The following DENND6A variants were observed in gnomAD, a reference collection of about 807,000 sequenced individuals.
DENND6A encodes the protein protein DENND6A.
In DENND6A, 43 loss-of-function variants were observed where a neutral mutation model predicts 95.5. The ratio of observed to expected loss-of-function variants is 0.45; its 90% CI spans 0.35 to 0.58. The LOEUF (loss-of-function observed/expected upper bound fraction) is 0.58. Ranked by LOEUF, DENND6A falls within the 20% of genes least tolerant of loss-of-function variation. DENND6A has a pLI of 0.00. For missense variants in DENND6A, 574 were observed against 736.0 expected (o/e 0.78, Z 2.55); for synonymous variants, 257 against 260.4 (o/e 0.99, Z 0.13).
intron 1 of DENND6A, among the ~76,000 whole-genome samples, chr3:57,689,805 T>C (rs2077244233): frequency 6.6e-6 from 1 of 152,062 alleles, no homozygotes; most frequent in African/African-American, 2.4e-5. Context: ...GCTCAACACC[T>C]ATAATCCCAG....
At chr3:57,685,081 T>A (rs894125423) in intron 1 of DENND6A, among the ~76,000 whole-genome samples, 4 of 142,280 alleles carry the variant, frequency 2.8e-5, no homozygotes, top group Non-Finnish European at 4.6e-5. Context: ...GCCTGGCTAA[T>A]TTTTTTTTTT....
chr3:57,676,281 G>A (rs1034352587), intron 1 of DENND6A, among the ~76,000 whole-genome samples: 2 of 151,078 alleles, frequency 1.3e-5, no homozygotes, highest in African/African-American at 4.9e-5. Flanking sequence ...TCAGGAGGCT[G>A]AGGCACAAGA....
chr3:57,657,746 G>C lies in DENND6A; in HGVS notation c.763-11C>G, dbSNP rs767553385. ...TATATTTGTGTCCACCTGAGAGATAGAAAAGAAAAATAAAAGAAGGTATCA... is the reference window on the plus strand; with the variant it reads ...TATATTTGTGTCCACCTGAGAGATACAAAAGAAAAATAAAAGAAGGTATCA... On this transcript the variant is annotated splice_polypyrimidine_tract_variant and intron_variant, in intron 8 of 19. Coordinates refer to ENST00000311128, the MANE Select transcript of DENND6A (RefSeq NM_152678.3). The C allele has an allele frequency of 6.4e-7, 1 of 1,554,632 alleles. No homozygotes were observed. Among genetic ancestry groups the C allele is most frequent in the East Asian group, 2.3e-5 (1 of 43,784 alleles).
intron 3 of DENND6A, among the ~76,000 whole-genome samples, 164 bp downstream of exon 3, chr3:57,672,092 A>G (rs2071627497): frequency 6.6e-6 from 1 of 152,236 alleles, no homozygotes; most frequent in Non-Finnish European, 1.5e-5. Context: ...AGTTGAAGCT[A>G]CTAAAATCAA....
At chr3:57,679,439 AT>A in intron 1 of DENND6A, 1 of 955,472 alleles carries the variant, frequency 1.0e-6, no homozygotes, top group Non-Finnish European at 1.2e-6. Flanking sequence ...CTTCACTTCA[AT>A]TTTTTCTTTA....
At chr3:57,681,884 G>A (rs1208971031) in intron 1 of DENND6A, among the ~76,000 whole-genome samples, 1 of 152,110 alleles carries the variant, frequency 6.6e-6, no homozygotes, top group African/African-American at 2.4e-5. Context: ...TTTTTGGGGT[G>A]AAGAAAATGT....
At chr3:57,655,897 T>C (rs976871913) in intron 9 of DENND6A, among the ~76,000 whole-genome samples, 2 of 152,332 alleles carry the variant, frequency 1.3e-5, no homozygotes, top group African/African-American at 2.4e-5. Context: ...TGTCCAATAA[T>C]TGAACTCTAT....
At position 57,674,939 on chromosome 3, in the gene DENND6A, A is replaced by G. The variant is rs188379003; in HGVS notation, c.238-2501T>C. 1.4e-4 allele frequency among the ~76,000 whole-genome samples: 21 copies of G among 152,310 alleles called. No individual in the cohort carries two copies. The East Asian group carries it at 3.7e-3, about 27-fold the overall frequency. On this transcript the variant is annotated intron_variant, in intron 1 of 19. Coordinates refer to ENST00000311128, the MANE Select transcript of DENND6A (RefSeq NM_152678.3). ...AGCTAAATAATGAGACCTTATGAAC[A>G]CAAAGAAGGAAACAACAGACACTGG... is the stretch of plus-strand genomic sequence containing the variant.
At chr3:57,646,033 C>T (rs1379488474) in intron 10 of DENND6A, among the ~76,000 whole-genome samples, 9 of 152,184 alleles carry the variant, frequency 5.9e-5, no homozygotes, top group Admixed American at 4.6e-4. Context: ...ATCATTCACA[C>T]AAGTAATATT....
chr3:57,669,276 C>G (rs577076929), intron 3 of DENND6A, among the ~76,000 whole-genome samples: 1 of 152,128 alleles, frequency 6.6e-6, no homozygotes, highest in South Asian at 2.1e-4. Context: ...CTCTTGCTAC[C>G]TAGGACAATG....
intron 9 of DENND6A, among the ~76,000 whole-genome samples, chr3:57,655,226 G>A (rs1167049425): frequency 2.6e-5 from 4 of 152,030 alleles, no homozygotes; most frequent in African/African-American, 7.2e-5. Flanking sequence ...GTAGAGACGG[G>A]GTTTCACCAT....
chr3:57,666,057 T>C, intron 4 of DENND6A, 66 bp downstream of exon 4: 1 of 1,329,522 alleles, frequency 7.5e-7, no homozygotes, highest in Non-Finnish European at 1.1e-6. Context: ...GTGTCAGCGG[T>C]AACTGAATAA....
At chr3:57,641,541 A>C in intron 12 of DENND6A, 112 bp downstream of exon 12, 1 of 797,216 alleles carries the variant, frequency 1.3e-6, no homozygotes, top group Non-Finnish European at 1.9e-6. Flanking sequence ...ACCCTTCTCC[A>C]AAGGCCTTGA....
At chr3:57,653,164 T>C (rs530595217) in intron 9 of DENND6A, among the ~76,000 whole-genome samples, 2 of 152,292 alleles carry the variant, frequency 1.3e-5, no homozygotes, top group South Asian at 4.1e-4. Flanking sequence ...TTCTGTTGGT[T>C]TGTAAAAATA....
rs978312467 is a variant in DENND6A at position 57,628,029 on chromosome 3, T to C, written c.*185A>G. The C allele has an allele frequency of 2.0e-5, 14 of 706,232 alleles. No individual in the cohort carries two copies. Among genetic ancestry groups the C allele is most frequent in the Admixed American group, 1.1e-4 (3 of 27,994 alleles). The allele number at this position is 706,232 out of a possible 1,614,324, so 43.7% of individuals were successfully genotyped here. On this transcript the variant is annotated 3_prime_UTR_variant, in exon 20 of 20. Coordinates refer to ENST00000311128, the MANE Select transcript of DENND6A (RefSeq NM_152678.3). Reference sequence around the variant, plus strand: ...TATTAAAGTGGAACCACCACAGATATCCACTTTAAAAAGTAATGCACTAAA... The same window carrying C: ...TATTAAAGTGGAACCACCACAGATACCCACTTTAAAAAGTAATGCACTAAA...
At chr3:57,631,048 A>T (rs1233502184) in intron 15 of DENND6A, 70 bp from the exon 16 acceptor site, 1 of 1,461,158 alleles carries the variant, frequency 6.8e-7, no homozygotes. Flanking sequence ...CTTAAAAGGA[A>T]TGGGTCTTTT....
At chr3:57,629,307 T>C (rs76373515) in intron 18 of DENND6A, among the ~76,000 whole-genome samples, 139 of 152,336 alleles carry the variant, frequency 9.1e-4, no homozygotes, top group Non-Finnish European at 1.7e-3. Context: ...CCTGGGCTTA[T>C]GTTGCAGGTG....
chr3:57,687,497 G>C (rs541853520), intron 1 of DENND6A, among the ~76,000 whole-genome samples: 2 of 152,308 alleles, frequency 1.3e-5, no homozygotes, highest in African/African-American at 4.8e-5. Context: ...AAGTTATCCA[G>C]AAAATCTAAG....
At chr3:57,665,628 T>G (rs1289298978) in intron 4 of DENND6A, among the ~76,000 whole-genome samples, 1 of 152,176 alleles carries the variant, frequency 6.6e-6, no homozygotes, top group Non-Finnish European at 1.5e-5. Flanking sequence ...AAAGTCACAC[T>G]GGATGTGCTG....
Sources: gnomAD v4.1 joint callset for allele counts (sites outside exome capture counted in the v4.1 genomes callset) on GRCh38, gnomAD v4.1.1 for gene constraint, MANE v1.5 for transcripts, NCBI Gene and HGNC (gene_info 2026-07-23, HGNC 2026-07-21) for gene names.